Variants in MIA2 observed in about 807,000 individuals in gnomAD.
MIA2 encodes the protein melanoma inhibitory activity protein 2.
Under a neutral mutation model 167.8 loss-of-function variants are expected in MIA2, and 127 were observed. The ratio of observed to expected loss-of-function variants is 0.76; its 90% CI spans 0.66 to 0.88. The LOEUF is 0.88. Among genes scored for constraint, MIA2 ranks in the 40% least tolerant of loss-of-function variants. MIA2 has a pLI of 0.00. For missense variants in MIA2, 1,690 were observed against 1,624.7 expected, an observed-to-expected ratio of 1.04 and a Z score of -0.69; for synonymous variants, 552 against 541.9, an observed-to-expected ratio of 1.02 and a Z score of -0.26.
chr14:39,342,171 C>A (rs978375541), intron 25 of MIA2, among the ~76,000 whole-genome samples: 1 of 149,274 alleles, frequency 6.7e-6, no homozygotes, highest in South Asian at 2.2e-4. Flanking sequence ...CTCCCCCCTC[C>A]CCACAACAGT....
intron 13 of MIA2, among the ~76,000 whole-genome samples, chr14:39,299,084 A>G (rs2061966031): frequency 6.7e-6 from 1 of 149,348 alleles, no homozygotes; most frequent in Non-Finnish European, 1.5e-5. Flanking sequence ...AAAAAAAAAA[A>G]AAAAAAAAAA....
chr14:39,315,842 T>C, intron 21 of MIA2, 124 bp downstream of exon 21: 1 of 657,642 alleles, frequency 1.5e-6, no homozygotes, highest in Non-Finnish European at 2.5e-6. Context: ...CTTTTAATTT[T>C]ACAAGTAGTG....
chr14:39,356,317 C>A (rs2074523902), downstream of MIA2, among the ~76,000 whole-genome samples: 1 of 152,188 alleles, frequency 6.6e-6, no homozygotes, highest in South Asian at 2.1e-4. Flanking sequence ...TCCATTTCTT[C>A]CAGATTTTCT....
At chr14:39,262,547 T>C (rs1274338722) in intron 6 of MIA2, among the ~76,000 whole-genome samples, 2 of 152,224 alleles carry the variant, frequency 1.3e-5, no homozygotes, top group Non-Finnish European at 2.9e-5. Flanking sequence ...TCCAATTCTG[T>C]GAAGGAAGTC....
intron 24 of MIA2, among the ~76,000 whole-genome samples, chr14:39,325,229 A>G (rs2067246040): frequency 6.6e-6 from 1 of 151,564 alleles, no homozygotes; most frequent in African/African-American, 2.4e-5. Flanking sequence ...CCTTGTCTCA[A>G]AAAAAAAAAT....
chr14:39,267,104 G>A (rs1566628028), intron 6 of MIA2: 3 of 1,123,136 alleles, frequency 2.7e-6, no homozygotes, highest in African/African-American at 1.6e-5. Context: ...CGCGAAGAAG[G>A]GGAAGTTTGC....
At chr14:39,333,067 G>A (rs1038880600) in intron 25 of MIA2, among the ~76,000 whole-genome samples, 11 of 151,810 alleles carry the variant, frequency 7.2e-5, no homozygotes, top group African/African-American at 2.7e-4. Context: ...TTCATTATAA[G>A]CATTTTTTTT....
At chr14:39,351,961 A>G (rs954858576), downstream of MIA2, among the ~76,000 whole-genome samples, 7 of 151,958 alleles carry the variant, frequency 4.6e-5, no homozygotes, top group African/African-American at 1.7e-4. Context: ...GTCACTCAGA[A>G]GGGAATGTTC....
At chr14:39,386,620 T>G in intron 23 of MIA2, 1 of 1,052,412 alleles carries the variant, frequency 9.5e-7, no homozygotes, top group Non-Finnish European at 1.4e-6. Context: ...TTTTTTCTTT[T>G]TTTTTGGCTG....
intron 6 of MIA2, among the ~76,000 whole-genome samples, chr14:39,268,100 A>C (rs543364701): frequency 1.2e-3 from 186 of 152,066 alleles, no homozygotes; most frequent in Admixed American, 2.7e-3. Flanking sequence ...CCAGTGTTCA[A>C]ATTTTGTTTT....
chr14:39,312,698 A>T (rs1165162986), intron 18 of MIA2, among the ~76,000 whole-genome samples: 1 of 20,058 alleles, frequency 5.0e-5, no homozygotes, highest in Non-Finnish European at 1.1e-4. Flanking sequence ...TTTTTGTAAG[A>T]TGGGATAACA....
At chr14:39,343,789 A>G (rs1373246996) in intron 25 of MIA2, among the ~76,000 whole-genome samples, 2 of 151,964 alleles carry the variant, frequency 1.3e-5, no homozygotes, top group African/African-American at 4.8e-5. Flanking sequence ...TTATGTGTAT[A>G]TGTGTATGTG....
intron 22 of MIA2, among the ~76,000 whole-genome samples, chr14:39,318,966 A>G (rs2065944579): frequency 2.0e-5 from 3 of 152,182 alleles, no homozygotes; most frequent in Admixed American, 2.0e-4. Flanking sequence ...AGTTTTGAAG[A>G]AGAAATAAAA....
At chr14:39,332,228 A>G (rs2069075367) in intron 25 of MIA2, among the ~76,000 whole-genome samples, 2 of 152,080 alleles carry the variant, frequency 1.3e-5, no homozygotes, top group Non-Finnish European at 2.9e-5. Flanking sequence ...CCGACTGATC[A>G]ATTTGGCTAT....
At chr14:39,367,342 C>T (rs912567725) in intron 23 of MIA2, among the ~76,000 whole-genome samples, 3 of 152,140 alleles carry the variant, frequency 2.0e-5, no homozygotes, top group Admixed American at 6.5e-5. Flanking sequence ...GGCTGTTGAG[C>T]CCTAGAGCAG....
Position 39,347,704 on chromosome 14 carries a change from T to A in MIA2, c.3779-9T>A, listed in dbSNP as rs372422067. On this transcript the variant is annotated splice_polypyrimidine_tract_variant and intron_variant, in intron 26 of 28. Transcript: ENST00000640607. ...CATGTACTTTTCATGGTTTAACTTTTATGTCTAGATGGGTCAATGCCTTCA... is the reference window on the plus strand; with the variant it reads ...CATGTACTTTTCATGGTTTAACTTTAATGTCTAGATGGGTCAATGCCTTCA... 1.6e-5 allele frequency: 25 copies of A among 1,612,664 alleles called. No homozygotes were observed. The African/African-American group carries it at 3.2e-4, about 21-fold the overall frequency.
chr14:39,339,665 A>G (rs983438572), intron 25 of MIA2, among the ~76,000 whole-genome samples: 3 of 152,160 alleles, frequency 2.0e-5, no homozygotes, highest in Admixed American at 1.3e-4. Context: ...ATCTTTTTCT[A>G]CAACAGCTCT....
chr14:39,251,876 C>T (rs951809879), intron 4 of MIA2, among the ~76,000 whole-genome samples: 1 of 152,142 alleles, frequency 6.6e-6, no homozygotes, highest in Non-Finnish European at 1.5e-5. Context: ...TTCAGGACCA[C>T]ACTGATACTT....
chr14:39,269,158 A>AT lies in MIA2; in HGVS notation c.1888-7766dup, dbSNP rs750002678. ...ATGGCACAACATTGTTCCGCTTTAA[A>AT]TTTTTTTTTTATTTTTAAAAATTAT... On this transcript the variant is annotated intron_variant, in intron 6 of 28. Coordinates refer to ENST00000640607, the MANE Select transcript of MIA2 (RefSeq NM_001329214.4). 3.6e-3 allele frequency: 2,297 copies of AT among 640,558 alleles called. 2 individuals are homozygous for AT. The highest frequency in any genetic ancestry group is 0.013 in the South Asian group (181 of 14,090). The allele number at this position is 640,558 out of a possible 1,614,324, so 39.7% of individuals were successfully genotyped here. A position where few individuals can be genotyped will look rare whatever the true frequency, so the allele number is the denominator to read the frequency against.
Sources: allele counts gnomAD v4.1 joint callset (sites outside exome capture counted in the v4.1 genomes callset), GRCh38; gene constraint gnomAD v4.1.1; transcripts MANE v1.5; gene names NCBI Gene and HGNC (gene_info 2026-07-23, HGNC 2026-07-21).